The following MDGA2 variants were observed in gnomAD, a reference collection of about 807,000 sequenced individuals.
The protein encoded by MDGA2 is MAM domain-containing glycosylphosphatidylinositol anchor protein 2.
A neutral mutation model predicts 117.8 loss-of-function variants in MDGA2; 40 were observed. The observed-to-expected ratio is 0.34, with a 90% CI of 0.26 to 0.44. MDGA2 has a LOEUF of 0.44. Among genes scored for constraint, MDGA2 ranks in the 20% least tolerant of loss-of-function variants. The probability of loss-of-function intolerance (pLI) is 1.00; values close to 1 mark genes in which losing one functional copy is unlikely to be tolerated. For missense variants in MDGA2, 1,123 were observed against 1,250.6 expected (o/e 0.90, Z 1.54); for synonymous variants, 452 against 439.0 (o/e 1.03, Z -0.37).
chr14:47,073,172 A>C (rs1890356386), intron 6 of MDGA2, among the ~76,000 whole-genome samples: 1 of 152,230 alleles, frequency 6.6e-6, no homozygotes, highest in South Asian at 2.1e-4. Context: ...GAATGTAACC[A>C]ACTATCATGA....
intron 10 of MDGA2, among the ~76,000 whole-genome samples, chr14:46,895,580 G>A (rs1448583676): frequency 6.6e-6 from 1 of 151,962 alleles, no homozygotes; most frequent in Non-Finnish European, 1.5e-5. Flanking sequence ...ACAAAAATTA[G>A]CTGGGCGTGG....
At chr14:47,329,899 C>T (rs1890246148) in intron 1 of MDGA2, among the ~76,000 whole-genome samples, 1 of 151,708 alleles carries the variant, frequency 6.6e-6, no homozygotes, top group Non-Finnish European at 1.5e-5. Flanking sequence ...TAAAATTTAG[C>T]CCAAATCATA....
At chr14:47,095,546 C>T (rs1384002073) in intron 6 of MDGA2, among the ~76,000 whole-genome samples, 2 of 151,800 alleles carry the variant, frequency 1.3e-5, no homozygotes, top group African/African-American at 2.4e-5. Context: ...TTTCAATAAT[C>T]TTCTATCTCA....
At chr14:46,906,698 A>G (rs1883506935) in intron 10 of MDGA2, among the ~76,000 whole-genome samples, 2 of 152,120 alleles carry the variant, frequency 1.3e-5, no homozygotes, top group Admixed American at 1.3e-4. Flanking sequence ...CAACTCTAGG[A>G]AGGGAGATAA....
chr14:47,188,915 T>C lies in MDGA2; in HGVS notation c.595+29106A>G, dbSNP rs188919659. ...CTGTTTTGTGAACACTTATTCCCAATATTTACTGAACTTCAAGTAAAAGGA... is the reference window on the plus strand; with the variant it reads ...CTGTTTTGTGAACACTTATTCCCAACATTTACTGAACTTCAAGTAAAAGGA... On this transcript the variant is annotated intron_variant, in intron 3 of 16. Coordinates refer to ENST00000399232, the MANE Select transcript of MDGA2 (RefSeq NM_001113498.3). 1.2e-4 allele frequency among the ~76,000 whole-genome samples: 19 copies of C among 152,274 alleles called. No individual in the cohort carries two copies. The East Asian group carries it at 3.1e-3, about 25-fold the overall frequency.
At chr14:46,960,577 T>C (rs1485735974) in intron 8 of MDGA2, 5 of 151,934 alleles carry the variant, frequency 3.3e-5, no homozygotes, top group Non-Finnish European at 7.4e-5. Flanking sequence ...CAATAATCCA[T>C]GATTAGTGAT....
intron 9 of MDGA2, among the ~76,000 whole-genome samples, chr14:46,938,023 TG>T (rs1480611894): frequency 6.6e-6 from 1 of 152,136 alleles, no homozygotes; most frequent in Non-Finnish European, 1.5e-5. Flanking sequence ...CAATGCAGAA[TG>T]GCAGAAAATA....
chr14:46,986,460 T>G (rs1886862104), intron 8 of MDGA2, among the ~76,000 whole-genome samples: 1 of 152,048 alleles, frequency 6.6e-6, no homozygotes, highest in Admixed American at 6.6e-5. Flanking sequence ...GCTGACAACC[T>G]GGGCATCTGC....
intron 9 of MDGA2, among the ~76,000 whole-genome samples, chr14:46,924,215 T>G (rs995795423): frequency 5.3e-5 from 8 of 152,026 alleles, no homozygotes; most frequent in African/African-American, 1.9e-4. Flanking sequence ...TTGAAAATTT[T>G]TATAGATTTA....
intron 3 of MDGA2, among the ~76,000 whole-genome samples, chr14:47,174,800 G>T (rs906708927): frequency 6.6e-6 from 1 of 152,078 alleles, no homozygotes; most frequent in African/African-American, 2.4e-5. Context: ...ACTAAAATCA[G>T]AGGAGAACTG....
intron 4 of MDGA2, among the ~76,000 whole-genome samples, chr14:47,141,747 G>A (rs1455237689): frequency 6.6e-6 from 1 of 152,172 alleles, no homozygotes; most frequent in African/African-American, 2.4e-5. Context: ...AATAGAGAGA[G>A]ATTGGTTAAT....
At chr14:47,371,029 A>T (rs999598268) in intron 1 of MDGA2, among the ~76,000 whole-genome samples, 12 of 151,866 alleles carry the variant, frequency 7.9e-5, no homozygotes, top group Non-Finnish European at 1.6e-4. Context: ...AAACTTCTTT[A>T]AAAACATACT....
At chr14:47,637,803 G>A (rs1001872241) in intron 1 of MDGA2, among the ~76,000 whole-genome samples, 6 of 152,168 alleles carry the variant, frequency 3.9e-5, no homozygotes, top group African/African-American at 1.4e-4. Context: ...ACTTTAGCTG[G>A]TCTCATTTCA....
At chr14:47,367,791 T>C (rs1383464453) in intron 1 of MDGA2, among the ~76,000 whole-genome samples, 1 of 152,236 alleles carries the variant, frequency 6.6e-6, no homozygotes, top group African/African-American at 2.4e-5. Context: ...CTAATATCTC[T>C]TTTGCCTTTC....
chr14:47,258,258 T>C (rs1887686471), intron 2 of MDGA2, among the ~76,000 whole-genome samples: 1 of 152,108 alleles, frequency 6.6e-6, no homozygotes, highest in Non-Finnish European at 1.5e-5. Context: ...GGGTAATTTA[T>C]AAAGAAAAGA....
chr14:47,303,897 G>A (rs1594784122), intron 1 of MDGA2, among the ~76,000 whole-genome samples: 1 of 152,032 alleles, frequency 6.6e-6, no homozygotes, highest in African/African-American at 2.4e-5. Flanking sequence ...ACATCATTAT[G>A]CAAATAAGTA....
intron 1 of MDGA2, among the ~76,000 whole-genome samples, chr14:47,674,024 C>T (rs1898125708): frequency 6.6e-6 from 1 of 151,724 alleles, no homozygotes; most frequent in Admixed American, 6.6e-5. Context: ...CAACTGTCAC[C>T]CCACTTCCTG....
intron 1 of MDGA2, among the ~76,000 whole-genome samples, chr14:47,673,065 G>T (rs1159050362): frequency 2.0e-5 from 3 of 152,140 alleles, no homozygotes; most frequent in Non-Finnish European, 2.9e-5. Flanking sequence ...GAAAGTGAAG[G>T]TTTCTTGGGA....
At chr14:47,054,599 A>G (rs1168477922) in intron 7 of MDGA2, among the ~76,000 whole-genome samples, 2 of 151,626 alleles carry the variant, frequency 1.3e-5, no homozygotes, top group South Asian at 2.1e-4. Context: ...GTTTGCTGAG[A>G]ATGATGTACA....
Sources: gnomAD v4.1 joint callset for allele counts (sites outside exome capture counted in the v4.1 genomes callset) on GRCh38, gnomAD v4.1.1 for gene constraint, MANE v1.5 for transcripts, NCBI Gene and HGNC (gene_info 2026-07-23, HGNC 2026-07-21) for gene names.